COG6: variants seen among roughly 807,000 people sequenced by gnomAD.
COG6 encodes component of oligomeric golgi complex 6, also known as conserved oligomeric Golgi complex subunit 6.
In COG6, 74 loss-of-function variants were observed where a neutral mutation model predicts 88.8. The observed-to-expected ratio is 0.83, with a 90% CI of 0.69 to 1.01. The LOEUF is 1.01. Among genes scored for constraint, COG6 ranks in the 50% least tolerant of loss-of-function variants. The pLI, the probability that COG6 is intolerant of heterozygous loss-of-function variation, is 0.00. For synonymous variants in COG6, 286 were observed against 278.7 expected (o/e 1.03, Z -0.26); for missense variants, 800 against 797.9 (o/e 1.00, Z -0.03).
At chr13:39,709,503 G>A (rs573270095) in intron 13 of COG6, among the ~76,000 whole-genome samples, 3 of 145,756 alleles carry the variant, frequency 2.1e-5, no homozygotes, top group South Asian at 4.4e-4. Context: ...GTGTCCATGT[G>A]TACACATTAT....
intron 18 of COG6, among the ~76,000 whole-genome samples, chr13:39,782,452 G>A (rs1881657055): frequency 6.6e-6 from 1 of 152,198 alleles, no homozygotes; most frequent in Non-Finnish European, 1.5e-5. Context: ...TGTTGGACAT[G>A]CTGCTTGTAG....
chr13:39,661,532 C>G (rs1874898148), intron 3 of COG6, among the ~76,000 whole-genome samples: 1 of 152,132 alleles, frequency 6.6e-6, no homozygotes, highest in African/African-American at 2.4e-5. Flanking sequence ...GCATATTCTA[C>G]AGATTAATCA....
At chr13:39,726,594 T>G (rs1437215327) in intron 17 of COG6, among the ~76,000 whole-genome samples, 1 of 151,986 alleles carries the variant, frequency 6.6e-6, no homozygotes, top group Non-Finnish European at 1.5e-5. Context: ...TATTGCAATC[T>G]TCCATTCTGT....
At chr13:39,741,884 C>T (rs1376568018) in intron 18 of COG6, among the ~76,000 whole-genome samples, 1 of 152,108 alleles carries the variant, frequency 6.6e-6, no homozygotes, top group Admixed American at 6.5e-5. Context: ...AAGGGAAGCC[C>T]ATCAGACTAA....
chr13:39,786,458 G>GGGAGT (rs1227309971), intron 18 of COG6, among the ~76,000 whole-genome samples: 1 of 152,184 alleles, frequency 6.6e-6, no homozygotes, highest in African/African-American at 2.4e-5. Context: ...TCAATGGGCA[G>GGGAGT]GGAGTGGAGA....
chr13:39,680,974 T>A (rs4132637), intron 7 of COG6, among the ~76,000 whole-genome samples: 109,958 of 152,116 alleles, frequency 0.72, 40,027 homozygotes, highest in Admixed American at 0.81. Flanking sequence ...ATATTCACAG[T>A]TTCCAGGGAT....
chr13:39,695,076 A>G (rs1444988781), intron 12 of COG6, among the ~76,000 whole-genome samples: 1 of 151,652 alleles, frequency 6.6e-6, no homozygotes, highest in East Asian at 1.9e-4. Context: ...AACTAAAGCA[A>G]CTATACCTTA....
At chr13:39,764,588 C>T (rs1451830963) in intron 18 of COG6, among the ~76,000 whole-genome samples, 1 of 151,866 alleles carries the variant, frequency 6.6e-6, no homozygotes, top group Non-Finnish European at 1.5e-5. Flanking sequence ...CCTTTTACTT[C>T]AGAAGTATTT....
At chr13:39,685,876 A>G (rs1232926364) in intron 8 of COG6, among the ~76,000 whole-genome samples, 3 of 152,212 alleles carry the variant, frequency 2.0e-5, no homozygotes, top group Admixed American at 6.5e-5. Context: ...TTTCTGTAGT[A>G]TGTCACCACA....
intron 1 of COG6, 145 bp downstream of exon 1, chr13:39,656,024 G>C: frequency 9.4e-7 from 1 of 1,067,818 alleles, no homozygotes; most frequent in Non-Finnish European, 1.4e-6. Flanking sequence ...GGGCTCCGCT[G>C]CTCTGCGGGC....
Position 39,707,946 on chromosome 13 carries a change from A to C in COG6, c.1284+8328A>C, listed in dbSNP as rs925233953. Reference sequence around the variant, plus strand: ...CTGGATTATAAGATTGATTAGCTTTACTAGATATTGCTAAGTATTTTTCCA... The same window carrying C: ...CTGGATTATAAGATTGATTAGCTTTCCTAGATATTGCTAAGTATTTTTCCA... On this transcript the variant is annotated intron_variant, in intron 13 of 18. Coordinates refer to ENST00000455146, the MANE Select transcript of COG6 (RefSeq NM_020751.3). Among the ~76,000 whole-genome samples the C allele has an allele frequency of 2.0e-5, 3 of 152,194 alleles. 1 individual carries two copies. The highest frequency in any genetic ancestry group is 4.4e-5 in the Non-Finnish European group (3 of 68,036).
intron 3 of COG6, among the ~76,000 whole-genome samples, chr13:39,661,909 T>C (rs1039649048): frequency 6.6e-6 from 1 of 151,758 alleles, no homozygotes; most frequent in Non-Finnish European, 1.5e-5. Flanking sequence ...TATTGTACTT[T>C]TGTGTTTTTT....
chr13:39,779,960 A>T (rs1197255795), intron 18 of COG6, among the ~76,000 whole-genome samples: 1 of 152,212 alleles, frequency 6.6e-6, no homozygotes, highest in Non-Finnish European at 1.5e-5. Flanking sequence ...AAGTCACAGT[A>T]TTTCTTAAAT....
chr13:39,775,273 ATAAGT>A (rs67598166), intron 18 of COG6, among the ~76,000 whole-genome samples: 62,879 of 151,724 alleles, frequency 0.41, 13,364 homozygotes, highest in Admixed American at 0.56. Context: ...TGTGACTCAA[ATAAGT>A]TAAGACAGGT....
intron 15 of COG6, 28 bp downstream of exon 15, chr13:39,719,855 A>T: frequency 6.4e-7 from 1 of 1,557,298 alleles, no homozygotes; most frequent in Admixed American, 1.7e-5. Context: ...ATGACTATTG[A>T]CTATGATTGA....
chr13:39,662,524 AG>A (rs767339311), intron 3 of COG6, among the ~76,000 whole-genome samples: 4 of 152,232 alleles, frequency 2.6e-5, no homozygotes, highest in East Asian at 3.9e-4. Context: ...AACTTTATTG[AG>A]GAATAATTTA....
At chr13:39,689,111 C>T (rs1876835164) in intron 10 of COG6, among the ~76,000 whole-genome samples, 1 of 152,090 alleles carries the variant, frequency 6.6e-6, no homozygotes, top group South Asian at 2.1e-4. Flanking sequence ...AAATGTGTTT[C>T]CTTAAAGATG....
chr13:39,694,350 G>A (rs983785441), intron 11 of COG6, among the ~76,000 whole-genome samples: 11 of 151,822 alleles, frequency 7.2e-5, no homozygotes, highest in Non-Finnish European at 1.5e-4. Flanking sequence ...ATATACTGGT[G>A]ATAAATCTCA....
chr13:39,660,780 G>C, intron 2 of COG6, 30 bp from the exon 3 acceptor site: 1 of 1,340,466 alleles, frequency 7.5e-7, no homozygotes, highest in East Asian at 2.3e-5. Flanking sequence ...CTGTATATAT[G>C]ATGTTTGATG....
Sources: allele counts gnomAD v4.1 joint callset (sites outside exome capture counted in the v4.1 genomes callset), GRCh38; gene constraint gnomAD v4.1.1; transcripts MANE v1.5; gene names NCBI Gene and HGNC (gene_info 2026-07-23, HGNC 2026-07-21).